The following ZFY variants were observed in gnomAD, a reference collection of about 807,000 sequenced individuals.
ZFY encodes the protein zinc finger Y-chromosomal protein.
For missense variants in ZFY, 113 were observed against 170.9 expected, an observed-to-expected ratio of 0.66 and a Z score of 1.89; for synonymous variants, 47 against 55.8, an observed-to-expected ratio of 0.84 and a Z score of 0.71.
chrY:2,973,309 A>G, intron 3 of ZFY, among the ~76,000 whole-genome samples: 1 of 32,754 alleles, frequency 3.1e-5, no homozygotes. Context: ...CCACCTCCCA[A>G]AGCCCTGGGA....
chrY:2,979,748 A>G lies in ZFY; in HGVS notation c.2161A>G (p.Arg721Gly). 3 of 399,414 alleles carry G rather than the reference A, an allele frequency of 7.5e-6. No homozygotes were observed. The highest frequency in any genetic ancestry group is 1.1e-5 in the Non-Finnish European group (3 of 283,792). ...KDLPFRCKRC[R>G]KGFRQQNELK... is the part of the protein sequence containing the mutation. ...TCTTCCATTTAGGTGTAAGAGATGT[A>G]GAAAGGGATTTAGGCAACAAAATGA... Residue 721 changes from arginine to glycine, a missense_variant, in exon 8 of 8, where the codon AGA becomes GGA. By Grantham distance (125) the Arg-to-Gly change is moderately radical. Coordinates refer to ENST00000155093, the MANE Select transcript of ZFY (RefSeq NM_003411.4).
At chrY:2,936,014 C>T (rs2051214567) in intron 1 of ZFY, among the ~76,000 whole-genome samples, 1 of 34,721 alleles carries the variant, frequency 2.9e-5, no homozygotes, top group Admixed American at 2.5e-4. Context: ...GGCGCGACGG[C>T]GTGTCTGCGC....
chrY:2,967,898 C>G, intron 3 of ZFY, among the ~76,000 whole-genome samples: 1 of 33,013 alleles, frequency 3.0e-5, no homozygotes, highest in Non-Finnish European at 7.4e-5. Context: ...TATTAATGAA[C>G]TTAAGGATCA....
intron 1 of ZFY, among the ~76,000 whole-genome samples, chrY:2,946,369 A>G (rs780770704): frequency 4.4e-4 from 15 of 33,779 alleles, no homozygotes; most frequent in Admixed American, 3.0e-3. Context: ...CTGTTTGCCA[A>G]TATTTCATAT....
At chrY:2,949,045 C>T in intron 1 of ZFY, among the ~76,000 whole-genome samples, 1 of 31,464 alleles carries the variant, frequency 3.2e-5, no homozygotes, top group Admixed American at 2.9e-4. Flanking sequence ...GAAAGAGTTT[C>T]ACTCTGTCGC....
intron 2 of ZFY, 111 bp downstream of exon 2, chrY:2,954,108 A>G: frequency 7.7e-6 from 1 of 130,112 alleles, no homozygotes; most frequent in Non-Finnish European, 1.4e-5. Flanking sequence ...GTCCATACTT[A>G]GGTCCTGTCA....
At chrY:2,937,335 T>C in intron 1 of ZFY, among the ~76,000 whole-genome samples, 1 of 30,204 alleles carries the variant, frequency 3.3e-5, no homozygotes. Flanking sequence ...GAGACCGACA[T>C]AGCGAAACCC....
chrY:2,964,549 AAAT>A (rs2051320344), intron 3 of ZFY, among the ~76,000 whole-genome samples: 1 of 33,282 alleles, frequency 3.0e-5, no homozygotes, highest in African/African-American at 1.2e-4. Flanking sequence ...TCTTTTATAA[AAAT>A]AATGAGAACA....
intron 3 of ZFY, among the ~76,000 whole-genome samples, chrY:2,966,515 T>C (rs776357777): frequency 6.0e-5 from 2 of 33,214 alleles, no homozygotes; most frequent in Admixed American, 5.5e-4. Context: ...ATATAATCTA[T>C]GGAACGCCAT....
At chrY:2,953,810 A>C in intron 1 of ZFY, 99 bp from the exon 2 acceptor site, 1 of 141,012 alleles carries the variant, frequency 7.1e-6, no homozygotes, top group Admixed American at 1.4e-4. Flanking sequence ...TTGATAGCTT[A>C]GTAAAAAATA....
At chrY:2,951,350 C>A (rs2051277825) in intron 1 of ZFY, among the ~76,000 whole-genome samples, 1 of 33,307 alleles carries the variant, frequency 3.0e-5, no homozygotes, top group African/African-American at 1.2e-4. Context: ...CATTACAAGA[C>A]CCCCTTCTTA....
chrY:2,967,566 C>CT (rs368863893), intron 3 of ZFY, among the ~76,000 whole-genome samples: 14 of 25,526 alleles, frequency 5.5e-4, no homozygotes, highest in South Asian at 1.8e-3. Flanking sequence ...ACGAATAAAA[C>CT]TTTTTTTTTT....
intron 1 of ZFY, among the ~76,000 whole-genome samples, chrY:2,940,729 T>C: frequency 2.9e-5 from 1 of 33,955 alleles, no homozygotes; most frequent in Admixed American, 2.7e-4. Flanking sequence ...GTTTCTTTCA[T>C]GTTACCTGTG....
Position 2,981,641 on chromosome Y carries a change from G to A in ZFY, c.*1648G>A. The A allele has an allele frequency of 3.1e-5, 1 of 32,332 alleles. No individual in the cohort carries two copies. Among genetic ancestry groups the A allele is most frequent in the African/African-American group, 1.2e-4 (1 of 8,332 alleles). The allele number at this position is 32,332 out of a possible 400,897, so 8.1% of individuals were successfully genotyped here. On this transcript the variant is annotated 3_prime_UTR_variant, in exon 8 of 8. Coordinates refer to ENST00000155093, the MANE Select transcript of ZFY (RefSeq NM_003411.4). Reference sequence around the variant, plus strand: ...GGTTTTTATTTTCACCTTTTTCTGTGCCACCAATTCAAAAGTTATAGGATT... The same window carrying A: ...GGTTTTTATTTTCACCTTTTTCTGTACCACCAATTCAAAAGTTATAGGATT...
chrY:2,949,993 A>G, intron 1 of ZFY, among the ~76,000 whole-genome samples: 2 of 32,704 alleles, frequency 6.1e-5, no homozygotes, highest in Non-Finnish European at 1.5e-4. Context: ...TTGTTTTCTC[A>G]TCTTCATACC....
intron 3 of ZFY, 51 bp from the exon 4 acceptor site, chrY:2,975,044 G>A (rs746650351): frequency 5.3e-6 from 2 of 380,321 alleles, no homozygotes; most frequent in South Asian, 6.2e-5. Context: ...GTTTTCTTAA[G>A]TTTTAAAGAA....
chrY:2,935,983 G>C, intron 1 of ZFY, among the ~76,000 whole-genome samples: 1 of 34,619 alleles, frequency 2.9e-5, no homozygotes, highest in South Asian at 6.2e-4. Context: ...GGACGGCGGC[G>C]GCGGCGGCAG....
At chrY:2,978,139 T>G in intron 7 of ZFY, 59 bp downstream of exon 7, 1 of 329,245 alleles carries the variant, frequency 3.0e-6, no homozygotes, top group South Asian at 5.1e-5. Flanking sequence ...TGTATTTTTA[T>G]GTGTTGAATT....
intron 3 of ZFY, among the ~76,000 whole-genome samples, chrY:2,964,377 T>C (rs1028735976): frequency 1.2e-3 from 39 of 32,787 alleles, no homozygotes; most frequent in African/African-American, 4.5e-3. Context: ...AAAATGATTA[T>C]GGACAAGATT....
Sources: gnomAD v4.1 joint callset for allele counts (sites outside exome capture counted in the v4.1 genomes callset) on GRCh38, gnomAD v4.1.1 for gene constraint, MANE v1.5 for transcripts, NCBI Gene and HGNC (gene_info 2026-07-23, HGNC 2026-07-21) for gene names.